Variants in HSD17B12 observed in about 807,000 individuals in gnomAD.
HSD17B12 encodes very-long-chain 3-oxoacyl-CoA reductase.
HSD17B12 carries 32 observed loss-of-function variants against 39.3 expected under a neutral mutation model. That is an observed-to-expected ratio of 0.81 (90% CI 0.61 to 1.09). HSD17B12 has a LOEUF of 1.09. Ranked by LOEUF, HSD17B12 falls within the 50% of genes least tolerant of loss-of-function variation. The pLI is 0.00. For missense variants in HSD17B12, 342 were observed against 382.9 expected (o/e 0.89, Z 0.89); for synonymous variants, 150 against 146.7 (o/e 1.02, Z -0.16).
At chr11:43,673,036 A>G in the HSD17B12 span, 2 of 152,216 alleles carry the variant, frequency 1.3e-5, no homozygotes, top group Non-Finnish European at 2.9e-5. Flanking sequence ...CAATATTTTG[A>G]ACAATGTTTA....
At chr11:43,792,139 G>A (rs569924809) in intron 3 of HSD17B12, among the ~76,000 whole-genome samples, 1 of 152,196 alleles carries the variant, frequency 6.6e-6, no homozygotes, top group Non-Finnish European at 1.5e-5. Flanking sequence ...CCAAGGGATA[G>A]TAGGGATGTA....
chr11:43,597,973 T>G, the HSD17B12 span, among the ~76,000 whole-genome samples: 94 of 151,732 alleles, frequency 6.2e-4, 1 homozygote, highest in Middle Eastern at 0.014. Flanking sequence ...TCAAGGGGAG[T>G]CAAGAGAGTT....
chr11:43,632,615 TG>T, the HSD17B12 span, among the ~76,000 whole-genome samples: 2 of 152,216 alleles, frequency 1.3e-5, no homozygotes, highest in Admixed American at 1.3e-4. Flanking sequence ...TTGATTTTTC[TG>T]GAAAGTTCTT....
chr11:43,711,567 C>G (rs114896476), intron 1 of HSD17B12, among the ~76,000 whole-genome samples: 1 of 151,040 alleles, frequency 6.6e-6, no homozygotes, highest in African/African-American at 2.4e-5. Context: ...ATCAGCCTCC[C>G]GGGCTTAAGT....
At chr11:43,731,406 A>C (rs1180684869) in intron 1 of HSD17B12, among the ~76,000 whole-genome samples, 1 of 152,220 alleles carries the variant, frequency 6.6e-6, no homozygotes, top group Non-Finnish European at 1.5e-5. Flanking sequence ...AAGATAAGTT[A>C]GCTAGTGGAA....
At chr11:43,828,169 G>A (rs1346933928) in intron 6 of HSD17B12, among the ~76,000 whole-genome samples, 87 of 144,040 alleles carry the variant, frequency 6.0e-4, no homozygotes, top group African/African-American at 2.1e-3. Flanking sequence ...TTGAGACGGA[G>A]TCTCGCTCTG....
intron 3 of HSD17B12, among the ~76,000 whole-genome samples, chr11:43,767,249 G>A (rs1401140387): frequency 6.6e-6 from 1 of 152,012 alleles, no homozygotes; most frequent in Non-Finnish European, 1.5e-5. Flanking sequence ...TGGGACCAAG[G>A]TGTTATTAAA....
chr11:43,672,849 G>A, the HSD17B12 span: 2 of 152,136 alleles, frequency 1.3e-5, no homozygotes, highest in African/African-American at 4.8e-5. Context: ...GCCAATAAAT[G>A]TTAATCTTCC....
the HSD17B12 span, among the ~76,000 whole-genome samples, chr11:43,563,725 G>A: frequency 2.0e-5 from 3 of 152,178 alleles, no homozygotes; most frequent in African/African-American, 7.2e-5. Flanking sequence ...GGCTGAGGCA[G>A]GAGGATGGCT....
chr11:43,605,756 A>G, the HSD17B12 span, among the ~76,000 whole-genome samples: 1 of 152,216 alleles, frequency 6.6e-6, no homozygotes, highest in Non-Finnish European at 1.5e-5. Flanking sequence ...ATAAAGTGCT[A>G]TATAAACGTA....
chr11:43,626,867 A>G, the HSD17B12 span, among the ~76,000 whole-genome samples: 1 of 152,064 alleles, frequency 6.6e-6, no homozygotes, highest in African/African-American at 2.4e-5. Context: ...AAAAGAATCA[A>G]TGCAAAGGAC....
At chr11:43,662,955 G>T in the HSD17B12 span, among the ~76,000 whole-genome samples, 1 of 152,230 alleles carries the variant, frequency 6.6e-6, no homozygotes, top group South Asian at 2.1e-4. Context: ...GATTAATTCA[G>T]AGATAGGATT....
chr11:43,735,045 C>CT (rs1950304560), intron 1 of HSD17B12, among the ~76,000 whole-genome samples: 1 of 152,192 alleles, frequency 6.6e-6, no homozygotes, highest in Non-Finnish European at 1.5e-5. Context: ...TGGCTTCTTT[C>CT]ATTAAGCATG....
chr11:43,564,898 C>CT, the HSD17B12 span, among the ~76,000 whole-genome samples: 11,826 of 140,150 alleles, frequency 0.084, 627 homozygotes, highest in Non-Finnish European at 0.11. Context: ...CTTTCTTCTT[C>CT]TTTTTTTTTT....
intron 1 of HSD17B12, among the ~76,000 whole-genome samples, chr11:43,699,100 T>A (rs1040234281): frequency 2.6e-5 from 4 of 152,178 alleles, no homozygotes; most frequent in African/African-American, 9.7e-5. Flanking sequence ...GGATTAAAGA[T>A]ATAGTTAAAT....
the HSD17B12 span, among the ~76,000 whole-genome samples, chr11:43,572,153 A>G: frequency 6.6e-6 from 1 of 152,188 alleles, no homozygotes. Flanking sequence ...GAGTGGAAGC[A>G]TGCTTGGATG....
At chr11:43,741,740 T>C (rs1343199220) in intron 1 of HSD17B12, among the ~76,000 whole-genome samples, 25 of 149,630 alleles carry the variant, frequency 1.7e-4, no homozygotes, top group Non-Finnish European at 3.0e-4. Flanking sequence ...TTTTCTTTTT[T>C]TTTTTTTTTT....
chr11:43,790,253 G>A (rs1381926128), intron 3 of HSD17B12, among the ~76,000 whole-genome samples: 1 of 152,192 alleles, frequency 6.6e-6, no homozygotes, highest in Non-Finnish European at 1.5e-5. Flanking sequence ...CATGACCATT[G>A]ATTCCATGGA....
At chr11:43,680,539 G>C (rs1357965356), upstream of HSD17B12, 14 of 453,940 alleles carry the variant, frequency 3.1e-5, no homozygotes, top group East Asian at 5.5e-4. Context: ...GCGCCTCGGT[G>C]GGGTGAGACA....
Sources: gnomAD v4.1 joint callset for allele counts (sites outside exome capture counted in the v4.1 genomes callset) on GRCh38, gnomAD v4.1.1 for gene constraint, MANE v1.5 for transcripts, NCBI Gene and HGNC (gene_info 2026-07-23, HGNC 2026-07-21) for gene names.